ME2: variants seen among roughly 807,000 people sequenced by gnomAD.
ME2 encodes NAD-dependent malic enzyme, mitochondrial.
In ME2, 60 loss-of-function variants were observed where a neutral mutation model predicts 73.7. The observed-to-expected ratio is 0.81, with a 90% CI of 0.66 to 1.01. ME2 has a LOEUF of 1.01. Ranked by LOEUF, ME2 falls within the 50% of genes least tolerant of loss-of-function variation. The pLI is 0.00. For missense variants in ME2, 594 were observed against 705.5 expected, an observed-to-expected ratio of 0.84 and a Z score of 1.79; for synonymous variants, 199 against 236.9, an observed-to-expected ratio of 0.84 and a Z score of 1.47.
In ME2 at chr18:50,885,887, G is replaced by A. The variant is rs1916450164; in HGVS notation, c.-13+6579G>A. ...AAAGATGTATAAAAGTCAAATTTGA[G>A]TAACTTAAAATTTAAAAATAGCCTG... On this transcript the variant is annotated intron_variant, in intron 1 of 15. Transcript: ENST00000321341. 2.6e-5 allele frequency among the ~76,000 whole-genome samples: 4 copies of A among 152,196 alleles called. No individual in the cohort carries two copies. The South Asian group carries it at 6.2e-4, about 24-fold the overall frequency.
intron 10 of ME2, among the ~76,000 whole-genome samples, chr18:50,923,702 T>C (rs1917480289): frequency 6.6e-6 from 1 of 152,068 alleles, no homozygotes; most frequent in Non-Finnish European, 1.5e-5. Context: ...GCCACTGCAC[T>C]CAAGTCTGGG....
rs754687801 is a variant in ME2 at position 50,940,327 on chromosome 18, G to A, written c.1528G>A (p.Gly510Arg). The change falls in exon 15 of 16, where the codon GGG becomes AGG. Residue 510 changes from glycine (G) to arginine (R), a missense_variant. Transcript: ENST00000321341. ...SQLTDEELAQGRLYPPLANIQ... is the reference protein window; with the variant it reads ...SQLTDEELAQRRLYPPLANIQ... ...ATTGACAGATGAAGAGCTAGCCCAA[G>A]GGAGACTTTACCCACCGCTTGCTAA... The A allele has an allele frequency of 4.3e-6, 7 of 1,611,242 alleles. No individual in the cohort carries two copies. Among genetic ancestry groups the A allele is most frequent in the Non-Finnish European group, 5.9e-6 (7 of 1,179,422 alleles).
chr18:50,895,548 C>T (rs1164651067), intron 1 of ME2, among the ~76,000 whole-genome samples: 1 of 152,172 alleles, frequency 6.6e-6, no homozygotes, highest in Non-Finnish European at 1.5e-5. Flanking sequence ...CCTTGCCACA[C>T]TTGTGTGACT....
chr18:50,930,351 G>A (rs1157840190), intron 12 of ME2, among the ~76,000 whole-genome samples: 1 of 152,104 alleles, frequency 6.6e-6, no homozygotes, highest in Non-Finnish European at 1.5e-5. Flanking sequence ...ATAGAATTTT[G>A]ACTAGTCGTC....
In ME2 at chr18:50,922,562, T is replaced by C. The variant is rs893400048; in HGVS notation, c.1056+1375T>C. ...ACAGTTAGTTTGGTACTTCTTTTTG[T>C]AATGTTGGTTTTCATCAAATATGTT... On this transcript the variant is annotated intron_variant, in intron 10 of 15. Coordinates refer to ENST00000321341, the MANE Select transcript of ME2 (RefSeq NM_002396.5). 2.6e-5 allele frequency among the ~76,000 whole-genome samples: 4 copies of C among 152,366 alleles called. No homozygotes were observed. The South Asian group carries it at 8.3e-4, about 32-fold the overall frequency.
chr18:50,927,751 T>TATATATATATATATATATACAC (rs1316314513), intron 12 of ME2, among the ~76,000 whole-genome samples: 1 of 123,306 alleles, frequency 8.1e-6, no homozygotes, highest in African/African-American at 3.3e-5. Flanking sequence ...TATATATATA[T>TATATATATATATATATATACAC]ACACACCACA....
At chr18:50,899,141 C>T (rs1283142335) in intron 2 of ME2, among the ~76,000 whole-genome samples, 6 of 152,288 alleles carry the variant, frequency 3.9e-5, no homozygotes, top group East Asian at 3.9e-4. Flanking sequence ...TTGTGAACTG[C>T]GCATGCAAGG....
chr18:50,920,732 A>G lies in ME2; in HGVS notation c.916A>G (p.Lys306Glu), dbSNP rs1471089626. The change falls in exon 9 of 16, where the codon AAA becomes GAA. Residue 306 changes from lysine to glutamate, a missense_variant. Coordinates refer to ENST00000321341, the MANE Select transcript of ME2 (RefSeq NM_002396.5). ...TATTAGTAAACCAATCTCCGAACAC[A>G]AAATCTTATTCCTTGGAGCAGGAGA... ...KVISKPISEHKILFLGAGEAA... is the reference protein window; with the variant it reads ...KVISKPISEHEILFLGAGEAA... 1.2e-6 allele frequency: 2 copies of G among 1,611,628 alleles called. No individual in the cohort carries two copies. The highest frequency in any genetic ancestry group is 1.7e-6 in the Non-Finnish European group (2 of 1,179,716).
At chr18:50,905,387 G>A (rs1916995293) in intron 2 of ME2, among the ~76,000 whole-genome samples, 1 of 152,084 alleles carries the variant, frequency 6.6e-6, no homozygotes, top group Non-Finnish European at 1.5e-5. Flanking sequence ...CAAATCTACT[G>A]TTGAACCCCT....
chr18:50,916,920 C>CT (rs1917298625), intron 5 of ME2: 2 of 152,854 alleles, frequency 1.3e-5, no homozygotes, highest in Admixed American at 1.3e-4. Context: ...TTTTTTTGTT[C>CT]TAGACCTTTT....
chr18:50,950,467 C>CTTTTTTTTTTTTTT lies in ME2; in HGVS notation c.*3298_*3311dup, dbSNP rs1182196966. On this transcript the variant is annotated 3_prime_UTR_variant, in exon 16 of 16. Coordinates refer to ENST00000321341, the MANE Select transcript of ME2 (RefSeq NM_002396.5). ...GCCTGGGGTGGGGCCTCAGATTCTG[C>CTTTTTTTTTTTTTT]TTTTTTTTTTTTTTTTTTTTTTTTT... 4.4e-4 allele frequency: 20 copies of CTTTTTTTTTTTTTT among 45,080 alleles called. 1 individual carries two copies. The highest frequency in any genetic ancestry group is 1.8e-3 in the African/African-American group (20 of 11,290). 2.8% of individuals were successfully genotyped at this position (45,080 alleles called of 1,614,324 possible). A position where few individuals can be genotyped will look rare whatever the true frequency, so the allele number is the denominator to read the frequency against.
chr18:50,891,204 A>T (rs1375246400), intron 1 of ME2, among the ~76,000 whole-genome samples: 2 of 152,224 alleles, frequency 1.3e-5, no homozygotes, highest in African/African-American at 4.8e-5. Context: ...AGACATTCCT[A>T]TTTTACCAAC....
rs200117257 is a variant in ME2 at position 50,940,254 on chromosome 18, A to G, written c.1489-34A>G. The G allele has an allele frequency of 1.0e-5, 15 of 1,476,812 alleles. No individual in the cohort carries two copies. The East Asian group carries it at 3.4e-4, about 33-fold the overall frequency. 91.5% of individuals were successfully genotyped at this position (1,476,812 alleles called of 1,614,324 possible). ...ACTGGGTCCTTATTCTGTTATTTAA[A>G]CAAACAAAAGCAAAATGCTGTTTTT... is the stretch of plus-strand genomic sequence containing the variant. On this transcript the variant is annotated intron_variant, in intron 14 of 15. Coordinates refer to ENST00000321341, the MANE Select transcript of ME2 (RefSeq NM_002396.5).
At chr18:50,912,639 G>C (rs903016734) in intron 3 of ME2, among the ~76,000 whole-genome samples, 162 bp from the exon 4 acceptor site, 6 of 151,888 alleles carry the variant, frequency 4.0e-5, no homozygotes, top group Non-Finnish European at 5.9e-5. Context: ...TTTAGTCCTG[G>C]GTGTTAAATA....
At chr18:50,922,463 C>G (rs1917451145) in intron 10 of ME2, among the ~76,000 whole-genome samples, 1 of 152,192 alleles carries the variant, frequency 6.6e-6, no homozygotes, top group African/African-American at 2.4e-5. Context: ...ACCATATTTA[C>G]TAGTATGTAA....
chr18:50,933,649 C>T (rs1568173732), intron 13 of ME2: 1 of 151,956 alleles, frequency 6.6e-6, no homozygotes, highest in Non-Finnish European at 1.5e-5. Flanking sequence ...CTGATTTTAA[C>T]AAAGCTATTT....
At chr18:50,897,243 G>A (rs1916767473) in intron 2 of ME2, among the ~76,000 whole-genome samples, 1 of 152,134 alleles carries the variant, frequency 6.6e-6, no homozygotes, top group African/African-American at 2.4e-5. Flanking sequence ...AAATACTTCT[G>A]TGTATCTTTT....
rs907472763 is a variant in ME2, at chr18:50,921,932, T to A, written c.1056+745T>A. Among the ~76,000 whole-genome samples the A allele has an allele frequency of 4.6e-5, 7 of 152,390 alleles. No homozygotes were observed. The East Asian group carries it at 1.2e-3, about 25-fold the overall frequency. On this transcript the variant is annotated intron_variant, in intron 10 of 15. Coordinates refer to ENST00000321341, the MANE Select transcript of ME2 (RefSeq NM_002396.5). ...TTTTCACTAGCTTAAGAATGTCATA[T>A]ATCTTCTGTGTAACACATTGAATAT...
rs549416039 is a variant in ME2, at chr18:50,918,152, C to T, written c.673C>T (p.Arg225Ter). 6 of 1,608,530 alleles carry T rather than the reference C, an allele frequency of 3.7e-6. No individual in the cohort carries two copies. Among genetic ancestry groups the T allele is most frequent in the Admixed American group, 3.3e-5 (2 of 59,860 alleles). ...ATTTTACATGGGCTTGTACCAGAAA[C>T]GAGATCGCACACAACAGTATGATGA... ...DPFYMGLYQK[R>*]DRTQQYDDLI... The change falls in exon 7 of 16, where the codon CGA becomes TGA. Residue 225 changes from arginine to a stop codon, truncating the protein, a stop_gained. Coordinates refer to ENST00000321341, the MANE Select transcript of ME2 (RefSeq NM_002396.5). LOFTEE classifies it high-confidence loss of function.
Sources: gnomAD v4.1 joint callset for allele counts (sites outside exome capture counted in the v4.1 genomes callset) on GRCh38, gnomAD v4.1.1 for gene constraint, MANE v1.5 for transcripts, NCBI Gene and HGNC (gene_info 2026-07-23, HGNC 2026-07-21) for gene names.